The following CDYL variants were observed in gnomAD, a reference collection of about 807,000 sequenced individuals.
The protein encoded by CDYL is chromodomain Y-like protein.
In CDYL, 8 loss-of-function variants were observed where a neutral mutation model predicts 47.3. The observed-to-expected ratio is 0.17, with a 90% CI of 0.10 to 0.31. The LOEUF is 0.31. Among genes scored for constraint, CDYL ranks in the 10% least tolerant of loss-of-function variants. CDYL has a pLI of 1.00. For synonymous variants in CDYL, 266 were observed against 265.0 expected, an observed-to-expected ratio of 1.00 and a Z score of -0.04; for missense variants, 471 against 701.4, an observed-to-expected ratio of 0.67 and a Z score of 3.71.
At chr6:4,833,131 C>T (rs62386589) in intron 1 of CDYL, among the ~76,000 whole-genome samples, 4 of 143,234 alleles carry the variant, frequency 2.8e-5, no homozygotes, top group African/African-American at 8.5e-5. Context: ...AATGTGTTTG[C>T]TCTTGCTTTT....
At chr6:4,942,594 C>T (rs1758392404) in intron 4 of CDYL, among the ~76,000 whole-genome samples, 1 of 152,204 alleles carries the variant, frequency 6.6e-6, no homozygotes, top group Non-Finnish European at 1.5e-5. Context: ...CTTCTTTTCT[C>T]CACTGTGTGA....
At position 4,767,473 on chromosome 6, in the gene CDYL, T is replaced by C. The variant is rs548407105; in HGVS notation, c.186+32629T>C. Reference sequence around the variant, plus strand: ...CTATAATCCCAGCTACTTGGGAGGCTGAGGCGGGAGAATCGTTTGAACCCA... The same window carrying C: ...CTATAATCCCAGCTACTTGGGAGGCCGAGGCGGGAGAATCGTTTGAACCCA... On this transcript the variant is annotated intron_variant, in intron 3 of 8. Transcript: ENST00000328908. Among the ~76,000 whole-genome samples, 8 of 152,018 alleles carry C rather than the reference T, an allele frequency of 5.3e-5. 1 individual carries two copies. In the South Asian group the frequency reaches 1.7e-3, roughly 32 times the overall value.
At chr6:4,815,847 C>T (rs1356612845) in intron 1 of CDYL, among the ~76,000 whole-genome samples, 1 of 151,680 alleles carries the variant, frequency 6.6e-6, no homozygotes, top group African/African-American at 2.4e-5. Context: ...ATTTTTTGCT[C>T]TACAGAATGT....
intron 1 of CDYL, among the ~76,000 whole-genome samples, chr6:4,890,405 T>C (rs1380155139): frequency 6.6e-6 from 1 of 152,160 alleles, no homozygotes; most frequent in African/African-American, 2.4e-5. Flanking sequence ...ATTCTGACTC[T>C]GTGGAGATCT....
At chr6:4,709,673 T>C (rs1757114761) in intron 1 of CDYL, among the ~76,000 whole-genome samples, 1 of 152,214 alleles carries the variant, frequency 6.6e-6, no homozygotes, top group Non-Finnish European at 1.5e-5. Flanking sequence ...CTATTCTCTA[T>C]ATCTTTACAC....
At chr6:4,746,583 T>G (rs1384361174) in intron 3 of CDYL, among the ~76,000 whole-genome samples, 1 of 152,182 alleles carries the variant, frequency 6.6e-6, no homozygotes, top group Non-Finnish European at 1.5e-5. Context: ...GCCTGGTGGC[T>G]GAGAGAGGAG....
chr6:4,842,343 C>T (rs960323864), intron 1 of CDYL, among the ~76,000 whole-genome samples: 2 of 150,508 alleles, frequency 1.3e-5, no homozygotes, highest in Non-Finnish European at 3.0e-5. Flanking sequence ...GATGACCTGT[C>T]TAGTGCTGTC....
intron 1 of CDYL, among the ~76,000 whole-genome samples, chr6:4,873,103 T>C (rs1761520691): frequency 6.6e-6 from 1 of 152,236 alleles, no homozygotes; most frequent in African/African-American, 2.4e-5. Context: ...TAGACATGAT[T>C]CAATTTGTGA....
chr6:4,735,709 C>T (rs771477102), intron 3 of CDYL, among the ~76,000 whole-genome samples: 19 of 151,874 alleles, frequency 1.3e-4, no homozygotes, highest in East Asian at 9.7e-4. Context: ...GAGGTTGCGG[C>T]GAGCTGAGAT....
chr6:4,779,329 T>A (rs1034994819), intron 1 of CDYL, among the ~76,000 whole-genome samples: 6 of 152,186 alleles, frequency 3.9e-5, no homozygotes, highest in Non-Finnish European at 8.8e-5. Flanking sequence ...GAGGGATATA[T>A]TGACAGGAGG....
chr6:4,718,296 G>A (rs2020323), intron 2 of CDYL, among the ~76,000 whole-genome samples: 66,782 of 151,718 alleles, frequency 0.44, 17,007 homozygotes, highest in South Asian at 0.65. Flanking sequence ...TCTGTTTTTC[G>A]TTTGTTTGGT....
At chr6:4,869,356 A>G (rs1761411409) in intron 1 of CDYL, among the ~76,000 whole-genome samples, 1 of 152,136 alleles carries the variant, frequency 6.6e-6, no homozygotes, top group Non-Finnish European at 1.5e-5. Flanking sequence ...TTGGCCTCCC[A>G]AGGCGTTGAG....
intron 2 of CDYL, among the ~76,000 whole-genome samples, chr6:4,900,808 T>TCTATATATCTATATCTATATAGATATAG: frequency 1.1e-5 from 1 of 92,030 alleles, no homozygotes; most frequent in African/African-American, 4.4e-5. Context: ...TATATATATA[T>TCTATATATCTATATCTATATAGATATAG]ATATATATAT....
intron 1 of CDYL, among the ~76,000 whole-genome samples, chr6:4,813,078 G>C (rs975874730): frequency 1.3e-5 from 2 of 152,184 alleles, no homozygotes; most frequent in East Asian, 3.8e-4. Context: ...GCTGGACACT[G>C]TTTTAATGGT....
chr6:4,883,043 C>A (rs746086951), intron 1 of CDYL, among the ~76,000 whole-genome samples: 6 of 152,172 alleles, frequency 3.9e-5, no homozygotes, highest in Non-Finnish European at 7.4e-5. Flanking sequence ...CATAATCAAT[C>A]TGTGTAAGCG....
chr6:4,722,937 G>A (rs1757399200), intron 2 of CDYL, among the ~76,000 whole-genome samples: 2 of 152,042 alleles, frequency 1.3e-5, no homozygotes, highest in Admixed American at 1.3e-4. Flanking sequence ...TGAGGCAACT[G>A]ATTACCCTAG....
At chr6:4,861,761 G>A (rs1325059700) in intron 1 of CDYL, among the ~76,000 whole-genome samples, 1 of 152,184 alleles carries the variant, frequency 6.6e-6, no homozygotes. Flanking sequence ...GCGCAGTACT[G>A]TATCTGTCTC....
rs1757743114 is a variant in CDYL at position 4,738,584 on chromosome 6, GA to G, written c.186+3742del. Reference sequence around the variant, plus strand: ...AAAGATTCTCATGCACTATTAGTGGGAATGCAAATTTATTCAATCACTTTGG... The same window carrying G: ...AAAGATTCTCATGCACTATTAGTGGGATGCAAATTTATTCAATCACTTTGG... On this transcript the variant is annotated intron_variant, in intron 3 of 8. Coordinates refer to the CDYL transcript ENST00000328908. Among the ~76,000 whole-genome samples the G allele has an allele frequency of 2.6e-5, 4 of 152,202 alleles. No homozygotes were observed. In the South Asian group the frequency reaches 8.3e-4, roughly 31 times the overall value.
chr6:4,824,748 T>A (rs139149431), intron 1 of CDYL, among the ~76,000 whole-genome samples: 1 of 152,224 alleles, frequency 6.6e-6, no homozygotes, highest in Non-Finnish European at 1.5e-5. Context: ...TTTCTTTTGC[T>A]GTTCATCCTT....
Sources: gnomAD v4.1 joint callset for allele counts (sites outside exome capture counted in the v4.1 genomes callset) on GRCh38, gnomAD v4.1.1 for gene constraint, MANE v1.5 for transcripts, NCBI Gene and HGNC (gene_info 2026-07-23, HGNC 2026-07-21) for gene names.